Variants in LYRM4 observed in about 807,000 individuals in gnomAD.
The protein encoded by LYRM4 is LYR motif containing 4.
A neutral mutation model predicts 11.7 loss-of-function variants in LYRM4; 9 were observed. The ratio of observed to expected loss-of-function variants is 0.77; its 90% CI spans 0.46 to 1.34. The LOEUF (loss-of-function observed/expected upper bound fraction) is 1.34, where lower values mean the gene tolerates loss of function less well. Ranked by LOEUF, LYRM4 falls within the 40% of genes most tolerant of loss-of-function variation. The pLI, the probability that LYRM4 is intolerant of heterozygous loss-of-function variation, is 0.00. For missense variants in LYRM4, 133 were observed against 112.5 expected (o/e 1.18, Z -0.82); for synonymous variants, 42 against 40.4 (o/e 1.04, Z -0.15).
At chr6:5,076,838 G>A in the LYRM4 span, among the ~76,000 whole-genome samples, 3 of 152,258 alleles carry the variant, frequency 2.0e-5, no homozygotes, top group East Asian at 3.9e-4. Context: ...TCAATCACAC[G>A]ATCACGCCAA....
At chr6:5,158,946 G>T (rs1758581075) in intron 2 of LYRM4, among the ~76,000 whole-genome samples, 1 of 142,688 alleles carries the variant, frequency 7.0e-6, no homozygotes, top group Non-Finnish European at 1.6e-5. Context: ...TGAAATGTGG[G>T]TGAGAAGGCA....
At chr6:5,197,568 C>T (rs530813907) in intron 2 of LYRM4, among the ~76,000 whole-genome samples, 6 of 151,736 alleles carry the variant, frequency 4.0e-5, no homozygotes, top group Non-Finnish European at 5.9e-5. Flanking sequence ...CCAGCTACTC[C>T]GGAGGCTGAG....
intron 2 of LYRM4, among the ~76,000 whole-genome samples, chr6:5,194,055 C>T (rs1372820087): frequency 1.6e-5 from 2 of 126,482 alleles, no homozygotes; most frequent in Non-Finnish European, 3.1e-5. Flanking sequence ...AGAAACAGAA[C>T]CAACAGGGTG....
chr6:5,049,899 A>G, the LYRM4 span, among the ~76,000 whole-genome samples: 1 of 152,106 alleles, frequency 6.6e-6, no homozygotes, highest in African/African-American at 2.4e-5. Context: ...TGAACTCCTG[A>G]CCTCGTGAGC....
intron 1 of LYRM4, among the ~76,000 whole-genome samples, chr6:5,257,658 T>G (rs534041077): frequency 6.6e-6 from 1 of 152,152 alleles, no homozygotes; most frequent in Non-Finnish European, 1.5e-5. Flanking sequence ...TAGATTCTCA[T>G]AGGTGCACCT....
At chr6:5,249,431 T>G (rs1235809265) in intron 1 of LYRM4, among the ~76,000 whole-genome samples, 1 of 152,104 alleles carries the variant, frequency 6.6e-6, no homozygotes. Flanking sequence ...AAAAGAAAAT[T>G]AGGGGAAATT....
At chr6:5,112,169 G>A (rs1418641017) in intron 2 of LYRM4, among the ~76,000 whole-genome samples, 4 of 152,312 alleles carry the variant, frequency 2.6e-5, no homozygotes, top group Non-Finnish European at 4.4e-5. Flanking sequence ...CGCGAAGCCC[G>A]TGCTCCTCTT....
intron 2 of LYRM4, among the ~76,000 whole-genome samples, chr6:5,151,438 A>AC (rs1402922263): frequency 6.6e-6 from 1 of 151,870 alleles, no homozygotes; most frequent in Non-Finnish European, 1.5e-5. Flanking sequence ...TCTCCCTTTC[A>AC]CTGGGTTTGC....
At chr6:5,099,691 C>T (rs914201309), downstream of LYRM4, among the ~76,000 whole-genome samples, 4 of 152,174 alleles carry the variant, frequency 2.6e-5, no homozygotes, top group Admixed American at 1.3e-4. This position sits in a 1 kb window ranked among gnomAD's most constrained non-coding sequence, Gnocchi z 4.3. Flanking sequence ...AATCCTCCCA[C>T]CTTGGCTTCC....
At chr6:5,046,310 C>G in the LYRM4 span, among the ~76,000 whole-genome samples, 24 of 152,206 alleles carry the variant, frequency 1.6e-4, 1 homozygote, top group African/African-American at 5.8e-4. Flanking sequence ...CCACACCCGG[C>G]TAATTTTTTG....
chr6:5,202,469 A>G (rs1000428132), intron 2 of LYRM4, among the ~76,000 whole-genome samples: 1 of 152,326 alleles, frequency 6.6e-6, no homozygotes, highest in South Asian at 2.1e-4. Context: ...CAGGAGGAAT[A>G]TGAACTTTCT....
the LYRM4 span, among the ~76,000 whole-genome samples, chr6:5,038,558 G>A: frequency 3.1e-5 from 2 of 64,932 alleles, 1 homozygote; most frequent in Non-Finnish European, 7.6e-5. Context: ...AGGTTGTAGC[G>A]AGCCGAGATC....
At chr6:5,132,369 GAT>G (rs1329629135) in intron 2 of LYRM4, among the ~76,000 whole-genome samples, 9 of 152,204 alleles carry the variant, frequency 5.9e-5, no homozygotes, top group African/African-American at 2.2e-4. Context: ...ATGGAGCTGA[GAT>G]ACTCCTTTCT....
the LYRM4 span, chr6:5,033,896 AG>A: frequency 6.6e-6 from 1 of 152,272 alleles, no homozygotes; most frequent in Non-Finnish European, 1.5e-5. Flanking sequence ...TGTACAGAGC[AG>A]GGAAAAAATC....
At chr6:5,136,323 T>G in intron 2 of LYRM4, 1 of 985,474 alleles carries the variant, frequency 1.0e-6, no homozygotes, top group South Asian at 4.7e-5. Context: ...TTCTTCTAAA[T>G]GATAACTTGT....
At chr6:5,193,104 A>G (rs991814145) in intron 2 of LYRM4, among the ~76,000 whole-genome samples, 2 of 152,214 alleles carry the variant, frequency 1.3e-5, no homozygotes, top group African/African-American at 4.8e-5. Context: ...ATAGGCACAC[A>G]GCCCTACAGG....
chr6:5,115,048 TA>T (rs1363014973), intron 2 of LYRM4, among the ~76,000 whole-genome samples: 1 of 152,246 alleles, frequency 6.6e-6, no homozygotes, highest in Non-Finnish European at 1.5e-5. Flanking sequence ...ACTGTTCTTT[TA>T]AGGAATATTT....
At chr6:5,176,345 G>A (rs1161423236) in intron 2 of LYRM4, among the ~76,000 whole-genome samples, 1 of 152,180 alleles carries the variant, frequency 6.6e-6, no homozygotes, top group East Asian at 1.9e-4. Flanking sequence ...TTACAGGCAT[G>A]AGCCACCGTG....
At chr6:5,186,807 A>G in intron 2 of LYRM4, 1 of 583,820 alleles carries the variant, frequency 1.7e-6, no homozygotes. Context: ...AATACAGTGA[A>G]ATCACATCTC....
Sources: allele counts gnomAD v4.1 joint callset (sites outside exome capture counted in the v4.1 genomes callset), GRCh38; gene constraint gnomAD v4.1.1; non-coding constraint Gnocchi (gnomAD v3.1); transcripts MANE v1.5; gene names NCBI Gene and HGNC (gene_info 2026-07-23, HGNC 2026-07-21).